Variants in GLYATL1 observed in about 807,000 individuals in gnomAD.
GLYATL1 encodes the protein glycine-N-acyltransferase like 1, also known as glycine N-acyltransferase-like protein 1.
A neutral mutation model predicts 20.0 loss-of-function variants in GLYATL1; 15 were observed. The ratio of observed to expected loss-of-function variants is 0.75; its 90% CI spans 0.50 to 1.15. The LOEUF (loss-of-function observed/expected upper bound fraction) is 1.15, where lower values mean the gene tolerates loss of function less well. Among genes scored for constraint, GLYATL1 ranks in the 50% most tolerant of loss-of-function variants. GLYATL1 has a pLI of 0.00. For missense variants in GLYATL1, 380 were observed against 368.5 expected, an observed-to-expected ratio of 1.03 and a Z score of -0.26; for synonymous variants, 151 against 131.5, an observed-to-expected ratio of 1.15 and a Z score of -1.01.
At position 58,946,874 on chromosome 11, in the gene GLYATL1, A is replaced by G. The variant is rs1193326193; in HGVS notation, c.-42-172A>G. On this transcript the variant is annotated intron_variant, in intron 2 of 6. Coordinates refer to ENST00000532726, the MANE Select transcript of GLYATL1 (RefSeq NM_001389712.2). ...GTTTCAAAATCTGACTCTGGCATTT[A>G]TCTCTAAGAACTTGAGAAATTTACT... is the stretch of plus-strand genomic sequence containing the variant. 6.2e-6 allele frequency: 4 copies of G among 641,008 alleles called. No individual in the cohort carries two copies. The Admixed American group carries it at 9.8e-5, about 16-fold the overall frequency. 39.7% of individuals were successfully genotyped at this position (641,008 alleles called of 1,614,324 possible).
chr11:58,943,344 A>G, intron 1 of GLYATL1, 199 bp from the exon 2 acceptor site: 3 of 1,550,396 alleles, frequency 1.9e-6, no homozygotes, highest in South Asian at 1.2e-5. Flanking sequence ...GTTGTAACCA[A>G]TCTCTTTGTT....
Position 58,943,785 on chromosome 11 carries a change from C to G in GLYATL1, c.-43+119C>G, listed in dbSNP as rs1856358080. 3 of 1,412,462 alleles carry G rather than the reference C, an allele frequency of 2.1e-6. No homozygotes were observed. In the East Asian group the frequency reaches 7.3e-5, roughly 34 times the overall value. The allele number at this position is 1,412,462 out of a possible 1,614,324, so 87.5% of individuals were successfully genotyped here. ...AGTCACAACAGGAAACAGACTGGGT[C>G]TAGGAACAGATTTGATCTTGGAATT... On this transcript the variant is annotated intron_variant, in intron 2 of 6. Coordinates refer to ENST00000532726, the MANE Select transcript of GLYATL1 (RefSeq NM_001389712.2).
At chr11:58,942,029 A>G (rs549805187) in intron 1 of GLYATL1, among the ~76,000 whole-genome samples, 58 of 152,330 alleles carry the variant, frequency 3.8e-4, no homozygotes, top group Admixed American at 6.5e-4. Flanking sequence ...CAGATAACAC[A>G]AGCTTTCTGG....
At chr11:58,924,350 G>C (rs902042692), upstream of GLYATL1, among the ~76,000 whole-genome samples, 8 of 152,166 alleles carry the variant, frequency 5.3e-5, no homozygotes, top group African/African-American at 1.9e-4. Context: ...AGTGGAGGTA[G>C]GGTAATCAGA....
upstream of GLYATL1, among the ~76,000 whole-genome samples, chr11:58,939,104 T>G (rs1855969118): frequency 6.6e-6 from 1 of 152,116 alleles, no homozygotes; most frequent in Admixed American, 6.5e-5. Flanking sequence ...TTTTATTTGT[T>G]TTATATGAAT....
chr11:58,906,788 A>T (rs988950192), intron 1 of GLYATL1, among the ~76,000 whole-genome samples: 2 of 152,174 alleles, frequency 1.3e-5, no homozygotes, highest in African/African-American at 4.8e-5. Context: ...GGTTACCTTC[A>T]TAGGTTCTGG....
chr11:58,919,086 A>C (rs1449396989), intron 1 of GLYATL1, among the ~76,000 whole-genome samples: 3 of 152,212 alleles, frequency 2.0e-5, no homozygotes, highest in Non-Finnish European at 4.4e-5. Flanking sequence ...ACCCAAACAG[A>C]ATCACCAGGT....
chr11:58,927,046 T>G (rs1421732967), upstream of GLYATL1, among the ~76,000 whole-genome samples: 1 of 152,236 alleles, frequency 6.6e-6, no homozygotes, highest in African/African-American at 2.4e-5. Context: ...TTCTTCACCT[T>G]TTGAGAAGGG....
In GLYATL1 at chr11:58,947,888, G is replaced by A. The variant is rs766467988; in HGVS notation, c.109G>A (p.Gly37Arg). ...VYGSVYHINHGNPFNMEVLVD... is the reference protein window; with the variant it reads ...VYGSVYHINHRNPFNMEVLVD... ...TGGCTCTGTGTATCACATCAATCAC[G>A]GGAACCCCTTCAACATGGAGGTGCT... Residue 37 changes from glycine (G) to arginine (R), a missense_variant, in exon 4 of 7, where the codon GGG (glycine) becomes AGG (arginine). Coordinates refer to ENST00000532726, the MANE Select transcript of GLYATL1 (RefSeq NM_001389712.2). 23 of 1,613,426 alleles carry A rather than the reference G, an allele frequency of 1.4e-5. No homozygotes were observed. The highest frequency in any genetic ancestry group is 8.9e-5 in the East Asian group (4 of 44,874).
chr11:58,931,389 G>T (rs924788775), intron 1 of GLYATL1, among the ~76,000 whole-genome samples: 3 of 152,208 alleles, frequency 2.0e-5, no homozygotes, highest in South Asian at 4.2e-4. Flanking sequence ...AGGTACTAGG[G>T]GTTAGGACTA....
intron 1 of GLYATL1, among the ~76,000 whole-genome samples, chr11:58,916,112 T>C (rs904947732): frequency 6.6e-6 from 1 of 152,198 alleles, no homozygotes; most frequent in Non-Finnish European, 1.5e-5. Flanking sequence ...TTAGTTGGAA[T>C]TTGCTGTCCC....
chr11:58,951,033 A>C (rs1339455946), intron 4 of GLYATL1, among the ~76,000 whole-genome samples: 1 of 152,106 alleles, frequency 6.6e-6, no homozygotes, highest in African/African-American at 2.4e-5. Flanking sequence ...GACATTAAGA[A>C]ATTTTTTATT....
rs1384579641 is a variant in GLYATL1 at position 58,951,148 on chromosome 11, G to C, written c.186+3183G>C. Among the ~76,000 whole-genome samples, 5 of 151,944 alleles carry C rather than the reference G, an allele frequency of 3.3e-5. No homozygotes were observed. The South Asian group carries it at 8.3e-4, about 25-fold the overall frequency. On this transcript the variant is annotated intron_variant, in intron 4 of 6. Coordinates refer to ENST00000532726, the MANE Select transcript of GLYATL1 (RefSeq NM_001389712.2). ...TTTGCTACTCGAAGATCATACAACT[G>C]TTTTCTCATTTTGTCTTACAGTGAG...
upstream of GLYATL1, among the ~76,000 whole-genome samples, chr11:58,936,120 G>C (rs1352469425): frequency 6.6e-6 from 1 of 152,126 alleles, no homozygotes; most frequent in Non-Finnish European, 1.5e-5. Flanking sequence ...ATTTGAGGAT[G>C]AATCAATCAA....
At chr11:58,931,847 T>C (rs1396048607) in intron 1 of GLYATL1, among the ~76,000 whole-genome samples, 4 of 151,676 alleles carry the variant, frequency 2.6e-5, no homozygotes, top group Admixed American at 6.6e-5. Flanking sequence ...AATAATCCAG[T>C]AGAAAAATTT....
chr11:58,929,524 T>C (rs1441185582), intron 1 of GLYATL1, among the ~76,000 whole-genome samples: 1 of 152,224 alleles, frequency 6.6e-6, no homozygotes, highest in Non-Finnish European at 1.5e-5. Flanking sequence ...TTCACCCGTA[T>C]ATTATAGAGC....
At chr11:58,931,178 C>G (rs999585977) in intron 1 of GLYATL1, among the ~76,000 whole-genome samples, 4 of 152,166 alleles carry the variant, frequency 2.6e-5, no homozygotes, top group Non-Finnish European at 5.9e-5. Flanking sequence ...TTCCAGGACT[C>G]TCTCCTTGAT....
chr11:58,937,817 C>G (rs1299862892), upstream of GLYATL1, among the ~76,000 whole-genome samples: 1 of 152,126 alleles, frequency 6.6e-6, no homozygotes, highest in Non-Finnish European at 1.5e-5. Flanking sequence ...TTTCACATTG[C>G]TAAGGGTTAA....
At chr11:58,935,656 C>T (rs147381104), upstream of GLYATL1, 120 of 152,196 alleles carry the variant, frequency 7.9e-4, 2 homozygotes, top group African/African-American at 2.1e-3. Flanking sequence ...TTCTATATAA[C>T]GATTGTCAAA....
Sources: allele counts gnomAD v4.1 joint callset (sites outside exome capture counted in the v4.1 genomes callset), GRCh38; gene constraint gnomAD v4.1.1; transcripts MANE v1.5; gene names NCBI Gene and HGNC (gene_info 2026-07-23, HGNC 2026-07-21).